NAALADL2: variants seen among roughly 807,000 people sequenced by gnomAD.
The protein encoded by NAALADL2 is inactive N-acetylated-alpha-linked acidic dipeptidase-like protein 2.
A neutral mutation model predicts 87.2 loss-of-function variants in NAALADL2; 76 were observed. The observed-to-expected ratio is 0.87, with a 90% CI of 0.72 to 1.05. NAALADL2 has a LOEUF of 1.05. Ranked by LOEUF, NAALADL2 falls within the 50% of genes least tolerant of loss-of-function variation. The probability of loss-of-function intolerance (pLI) is 0.00; values close to 1 mark genes in which losing one functional copy is unlikely to be tolerated. For synonymous variants in NAALADL2, 354 were observed against 331.0 expected, an observed-to-expected ratio of 1.07 and a Z score of -0.75; for missense variants, 1,089 against 945.8, an observed-to-expected ratio of 1.15 and a Z score of -1.99.
chr3:175,044,273 A>G (rs1311869158), intron 1 of NAALADL2, among the ~76,000 whole-genome samples: 1 of 152,062 alleles, frequency 6.6e-6, no homozygotes. Flanking sequence ...GGATTTTCCT[A>G]TTTTTGGACT....
intron 11 of NAALADL2, among the ~76,000 whole-genome samples, chr3:175,634,092 T>C (rs1301501077): frequency 1.3e-5 from 2 of 151,876 alleles, no homozygotes; most frequent in African/African-American, 2.4e-5. Flanking sequence ...ACTTTATAGC[T>C]ATACATTTTA....
intron 11 of NAALADL2, among the ~76,000 whole-genome samples, chr3:175,707,392 C>T (rs1372627593): frequency 6.6e-6 from 1 of 152,012 alleles, no homozygotes; most frequent in Non-Finnish European, 1.5e-5. Flanking sequence ...AAAAACTATT[C>T]TTAACGCATG....
intron 11 of NAALADL2, among the ~76,000 whole-genome samples, chr3:175,690,367 G>T (rs902774303): frequency 2.0e-5 from 3 of 152,138 alleles, no homozygotes; most frequent in Middle Eastern, 3.4e-3. Flanking sequence ...AGGGTCAGAA[G>T]ATATGTAGTA....
intron 5 of NAALADL2, among the ~76,000 whole-genome samples, chr3:175,355,292 C>A (rs1581554381): frequency 6.6e-6 from 1 of 152,044 alleles, no homozygotes; most frequent in South Asian, 2.1e-4. Context: ...GTCTCGAACT[C>A]CTGACATCAA....
intron 3 of NAALADL2, chr3:175,242,441 G>C (rs1302738101): frequency 1.3e-5 from 2 of 152,172 alleles, no homozygotes; most frequent in African/African-American, 4.8e-5. Context: ...CTGTGGAAAA[G>C]TTGATTCTTA....
At chr3:175,119,059 G>GTT (rs5854610) in intron 2 of NAALADL2, among the ~76,000 whole-genome samples, 1 of 148,624 alleles carries the variant, frequency 6.7e-6, no homozygotes. Context: ...GCATTTATAC[G>GTT]TTTTTTTTTT....
intron 10 of NAALADL2, among the ~76,000 whole-genome samples, chr3:175,621,600 T>C (rs1726240870): frequency 6.6e-6 from 1 of 152,178 alleles, no homozygotes. Context: ...ATCCACAGAT[T>C]CAACCAAGAT....
chr3:174,780,045 T>C (rs957459678), intron 3 of NAALADL2, among the ~76,000 whole-genome samples: 1 of 152,192 alleles, frequency 6.6e-6, no homozygotes, highest in African/African-American at 2.4e-5. Context: ...GCATTGAATC[T>C]ATAAATTACT....
intron 1 of NAALADL2, among the ~76,000 whole-genome samples, chr3:174,986,659 G>A (rs1032884096): frequency 2.0e-5 from 3 of 152,084 alleles, no homozygotes; most frequent in Non-Finnish European, 2.9e-5. Context: ...AAAGTTTTCT[G>A]AGCTAGATGT....
chr3:174,563,044 C>A (rs999540472), intron 2 of NAALADL2, among the ~76,000 whole-genome samples: 6 of 152,052 alleles, frequency 3.9e-5, no homozygotes, highest in African/African-American at 1.4e-4. Context: ...GTTTTCAAAG[C>A]AGATTTAAGT....
At chr3:174,636,571 C>T (rs1158387455) in intron 2 of NAALADL2, among the ~76,000 whole-genome samples, 2 of 152,084 alleles carry the variant, frequency 1.3e-5, no homozygotes, top group South Asian at 4.1e-4. Flanking sequence ...CATCACTGTT[C>T]ATCAGGGAAA....
At chr3:175,252,071 T>C (rs1401762294) in intron 3 of NAALADL2, among the ~76,000 whole-genome samples, 1 of 152,236 alleles carries the variant, frequency 6.6e-6, no homozygotes, top group Non-Finnish European at 1.5e-5. Flanking sequence ...GTTCCAATAT[T>C]GTAAATGTCT....
intron 1 of NAALADL2, among the ~76,000 whole-genome samples, chr3:174,867,708 A>G (rs868232694): frequency 6.6e-6 from 1 of 152,124 alleles, no homozygotes; most frequent in African/African-American, 2.4e-5. Flanking sequence ...ATTTAACATG[A>G]TCAGTACAAA....
At chr3:175,181,844 GACATGA>G (rs1314578707) in intron 2 of NAALADL2, among the ~76,000 whole-genome samples, 23 of 150,750 alleles carry the variant, frequency 1.5e-4, no homozygotes, top group Non-Finnish European at 5.9e-5. Context: ...ATGCTACAAT[GACATGA>G]ACATGAACAT....
chr3:174,662,156 C>A (rs1160959003), intron 2 of NAALADL2, among the ~76,000 whole-genome samples: 1 of 152,102 alleles, frequency 6.6e-6, no homozygotes, highest in Non-Finnish European at 1.5e-5. Context: ...CTAGCACAGG[C>A]CCTTGTAAAA....
chr3:174,849,734 CAAAAAAAAA>C (rs57620256), intron 3 of NAALADL2, among the ~76,000 whole-genome samples: 2 of 62,802 alleles, frequency 3.2e-5, no homozygotes, highest in Non-Finnish European at 6.0e-5. Flanking sequence ...GACTCTGACT[CAAAAAAAAA>C]AAAAAAAAAA....
chr3:175,564,870 G>C (rs1377248283), intron 9 of NAALADL2, among the ~76,000 whole-genome samples: 1 of 152,152 alleles, frequency 6.6e-6, no homozygotes, highest in Admixed American at 6.6e-5. Flanking sequence ...AAAGGCTCTG[G>C]ATTTGTCATT....
At chr3:175,523,915 G>T (rs80285104) in intron 9 of NAALADL2, among the ~76,000 whole-genome samples, 4,544 of 152,242 alleles carry the variant, frequency 0.03, 75 homozygotes, top group Middle Eastern at 0.041. Flanking sequence ...TCTTTGAAAA[G>T]AAATTTAGAA....
Position 175,715,690 on chromosome 3 carries a change from A to T in NAALADL2, c.1897-21616A>T, listed in dbSNP as rs552985886. The stretch of plus-strand genomic sequence containing the variant: ...GAGGTGTTCGAGACCAGCCTGGTCA[A>T]CATGGTGAAACCTGGTCTCTACTAA... On this transcript the variant is annotated intron_variant, in intron 11 of 13. Transcript: ENST00000454872. 2.2e-4 allele frequency among the ~76,000 whole-genome samples: 34 copies of T among 152,182 alleles called. No individual in the cohort carries two copies. In the South Asian group the frequency reaches 2.7e-3, roughly 12 times the overall value.
Sources: gnomAD v4.1 joint callset for allele counts (sites outside exome capture counted in the v4.1 genomes callset) on GRCh38, gnomAD v4.1.1 for gene constraint, MANE v1.5 for transcripts, NCBI Gene and HGNC (gene_info 2026-07-23, HGNC 2026-07-21) for gene names.